DDX46: variants seen among roughly 807,000 people sequenced by gnomAD.
DDX46 encodes probable ATP-dependent RNA helicase DDX46.
DDX46 carries 30 observed loss-of-function variants against 134.9 expected under a neutral mutation model. The observed-to-expected ratio is 0.22, with a 90% CI of 0.17 to 0.30. The LOEUF (loss-of-function observed/expected upper bound fraction) is 0.30. Ranked by LOEUF, DDX46 falls within the 10% of genes least tolerant of loss-of-function variation. The pLI is 1.00. For missense variants in DDX46, 622 were observed against 1,248.7 expected (o/e 0.50, Z 7.56); for synonymous variants, 415 against 404.1 (o/e 1.03, Z -0.32).
intron 8 of DDX46, among the ~76,000 whole-genome samples, chr5:134,782,365 G>A (rs922616417): frequency 6.6e-6 from 1 of 151,920 alleles, no homozygotes; most frequent in African/African-American, 2.4e-5. Flanking sequence ...AACTAGGCTG[G>A]GCACAGTGGC....
At position 134,816,594 on chromosome 5, in the gene DDX46, C is replaced by T. The variant is rs760155651; in HGVS notation, c.2601C>T (p.Ile867=). The change falls in exon 19 of 23, where the codon ATC becomes ATT. Residue 867 remains isoleucine, a synonymous_variant. Transcript: ENST00000452510. The part of the protein sequence containing the change: ...LRINAQKNLG[I]ESQVDVMQQA... ...TCAATGCCCAGAAGAATTTGGGCAT[C>T]GAGTCTCAGGTATTAAGTAATTTGT... is the stretch of plus-strand genomic sequence containing the variant. 3.7e-6 allele frequency: 6 copies of T among 1,612,954 alleles called. No individual in the cohort carries two copies. Among genetic ancestry groups the T allele is most frequent in the South Asian group, 1.1e-5 (1 of 90,890 alleles).
intron 6 of DDX46, among the ~76,000 whole-genome samples, chr5:134,778,267 C>T (rs568216685): frequency 6.6e-6 from 1 of 152,158 alleles, no homozygotes; most frequent in South Asian, 2.1e-4. Flanking sequence ...AACCACCTGC[C>T]TCGGCCTCCC....
At chr5:134,774,685 C>G (rs1753880305) in intron 5 of DDX46, among the ~76,000 whole-genome samples, 3 of 152,078 alleles carry the variant, frequency 2.0e-5, no homozygotes, top group African/African-American at 7.2e-5. Context: ...AGTGCCTCCT[C>G]TGATTTTTCT....
chr5:134,819,938 C>T (rs569337412), intron 21 of DDX46, among the ~76,000 whole-genome samples: 3 of 151,966 alleles, frequency 2.0e-5, no homozygotes, highest in South Asian at 2.1e-4. Context: ...CTTTTTTCCC[C>T]GAGATGGAGT....
At position 134,768,485 on chromosome 5, in the gene DDX46, C is replaced by G. The variant is rs889951313; in HGVS notation, c.350+1425C>G. ...AAGACTGCCTACCTTATTCTGTGTA[C>G]AAAAAGCAATTCCAAGCAAAGACCA... On this transcript the variant is annotated intron_variant, in intron 3 of 22. Coordinates refer to ENST00000452510, the MANE Select transcript of DDX46 (RefSeq NM_001300860.2). Among the ~76,000 whole-genome samples the G allele has an allele frequency of 2.6e-5, 4 of 151,188 alleles. No homozygotes were observed. The East Asian group carries it at 7.8e-4, about 29-fold the overall frequency.
intron 15 of DDX46, among the ~76,000 whole-genome samples, chr5:134,796,503 T>G (rs1411343572): frequency 2.6e-5 from 4 of 152,270 alleles, no homozygotes; most frequent in Non-Finnish European, 5.9e-5. Flanking sequence ...TTTTAATTTC[T>G]TGTGATATTG....
intron 15 of DDX46, among the ~76,000 whole-genome samples, chr5:134,798,728 C>T (rs1754741372): frequency 6.6e-6 from 1 of 152,188 alleles, no homozygotes; most frequent in African/African-American, 2.4e-5. Context: ...TAAGTAGAAT[C>T]ATACATTGTG....
intron 5 of DDX46, among the ~76,000 whole-genome samples, chr5:134,776,802 A>G (rs552612824): frequency 5.2e-4 from 79 of 151,542 alleles, no homozygotes; most frequent in Admixed American, 1.9e-3. Context: ...AATCCCAGCT[A>G]CTCAGGAGGC....
At chr5:134,770,057 T>G (rs114870173) in intron 3 of DDX46, among the ~76,000 whole-genome samples, 2 of 152,256 alleles carry the variant, frequency 1.3e-5, no homozygotes, top group East Asian at 1.9e-4. Context: ...AGTGTACTTA[T>G]GTATTTTTTG....
Position 134,766,965 on chromosome 5 carries a change from T to C in DDX46, c.255T>C (p.Ser85=). 5.0e-6 allele frequency: 8 copies of C among 1,614,114 alleles called. No individual in the cohort carries two copies. The highest frequency in any genetic ancestry group is 5.9e-6 in the Non-Finnish European group (7 of 1,180,004). The change falls in exon 3 of 23, where the codon TCT becomes TCC. Residue 85 remains serine, a synonymous_variant. Coordinates refer to ENST00000452510, the MANE Select transcript of DDX46 (RefSeq NM_001300860.2). ...ACAGAAGCCGAGAGCGAAGAAGATC[T>C]CGAAGTAGAGACAGGAGACGCTCAA... ...ERDRSRERRR[S]RSRDRRRSRS... is the part of the protein sequence containing the mutation.
At chr5:134,820,608 C>T (rs1755415954) in intron 21 of DDX46, among the ~76,000 whole-genome samples, 1 of 152,188 alleles carries the variant, frequency 6.6e-6, no homozygotes, top group Admixed American at 6.6e-5. Context: ...GTACTGTCTC[C>T]ATTTGGAACT....
chr5:134,815,706 CAAA>C (rs374562980), intron 18 of DDX46, among the ~76,000 whole-genome samples: 1,417 of 28,298 alleles, frequency 0.05, 7 homozygotes, highest in Middle Eastern at 0.11. Context: ...GACTCTGTCT[CAAA>C]AAAAAAAAAA....
chr5:134,790,461 T>A lies in DDX46; in HGVS notation c.1544-9T>A. ...TTTCTTTTTGTCTTTATTTTTCTTT[T>A]CATCTTAGGTCGGGTCACAAATCTT... On this transcript the variant is annotated splice_polypyrimidine_tract_variant and intron_variant, in intron 12 of 22. Transcript: ENST00000452510. 6.3e-7 allele frequency: 1 copy of A among 1,597,460 alleles called. No individual in the cohort carries two copies. The highest frequency in any genetic ancestry group is 8.5e-7 in the Non-Finnish European group (1 of 1,175,632).
chr5:134,816,989 A>G (rs1179445225), intron 19 of DDX46: 4 of 183,276 alleles, frequency 2.2e-5, no homozygotes, highest in Non-Finnish European at 4.5e-5. Flanking sequence ...GGTCTTAAAC[A>G]GTGGAGAAAT....
chr5:134,804,904 C>T, intron 15 of DDX46: 2 of 355,014 alleles, frequency 5.6e-6, no homozygotes, highest in South Asian at 2.6e-5. Flanking sequence ...ATAGGCTCTG[C>T]TGACATGTTT....
At chr5:134,778,642 T>C (rs993898177) in intron 6 of DDX46, among the ~76,000 whole-genome samples, 13 of 152,118 alleles carry the variant, frequency 8.5e-5, no homozygotes, top group Non-Finnish European at 1.9e-4. Context: ...GGCGCAATCT[T>C]GGCTCACTGC....
intron 11 of DDX46, among the ~76,000 whole-genome samples, chr5:134,787,013 C>G (rs1484858818): frequency 6.6e-6 from 1 of 152,050 alleles, no homozygotes; most frequent in East Asian, 1.9e-4. Context: ...TCCTTGACCT[C>G]CTGGGCTTAA....
In DDX46 at chr5:134,829,737, T is replaced by A. The variant is rs1755684570; in HGVS notation, c.*1031T>A. The A allele has an allele frequency of 6.6e-6, 1 of 152,096 alleles. No homozygotes were observed. The highest frequency in any genetic ancestry group is 1.5e-5 in the Non-Finnish European group (1 of 68,030). 9.4% of individuals were successfully genotyped at this position (152,096 alleles called of 1,614,324 possible). A position where few individuals can be genotyped will look rare whatever the true frequency, so the allele number is the denominator to read the frequency against. ...AATTTGGGAGGCCGAGGTGGGCAGA[T>A]CACTTGAGGTCAGGAGTTCAAGACT... is the stretch of plus-strand genomic sequence containing the variant. On this transcript the variant is annotated 3_prime_UTR_variant, in exon 23 of 23. Coordinates refer to ENST00000452510, the MANE Select transcript of DDX46 (RefSeq NM_001300860.2).
chr5:134,799,843 G>A (rs116460028), intron 15 of DDX46, among the ~76,000 whole-genome samples: 16,718 of 151,872 alleles, frequency 0.11, 1,215 homozygotes, highest in East Asian at 0.29. Context: ...CTAGGAGTTC[G>A]AGGCCAGTCT....
Sources: allele counts gnomAD v4.1 joint callset (sites outside exome capture counted in the v4.1 genomes callset), GRCh38; gene constraint gnomAD v4.1.1; transcripts MANE v1.5; gene names NCBI Gene and HGNC (gene_info 2026-07-23, HGNC 2026-07-21).